MFAP3L: variants seen among roughly 807,000 people sequenced by gnomAD.
MFAP3L encodes the protein microfibrillar-associated protein 3-like.
In MFAP3L, 5 loss-of-function variants were observed where a neutral mutation model predicts 20.0. The observed-to-expected ratio is 0.25, with a 90% CI of 0.13 to 0.53. The LOEUF is 0.53. Among genes scored for constraint, MFAP3L ranks in the 20% least tolerant of loss-of-function variants. The pLI is 0.96. For synonymous variants in MFAP3L, 219 were observed against 213.0 expected, an observed-to-expected ratio of 1.03 and a Z score of -0.25; for missense variants, 409 against 527.5, an observed-to-expected ratio of 0.78 and a Z score of 2.20.
At chr4:170,016,164 T>C (rs1229581823) in intron 1 of MFAP3L, among the ~76,000 whole-genome samples, 2 of 152,240 alleles carry the variant, frequency 1.3e-5, no homozygotes, top group East Asian at 3.8e-4. Flanking sequence ...CAAAATATAA[T>C]GAATATAAAA....
At chr4:170,020,390 C>T (rs1324271273) in intron 1 of MFAP3L, among the ~76,000 whole-genome samples, 1 of 152,176 alleles carries the variant, frequency 6.6e-6, no homozygotes, top group Non-Finnish European at 1.5e-5. Flanking sequence ...GGGTTATGTG[C>T]TCATCATCTC....
intron 1 of MFAP3L, chr4:170,006,797 T>G (rs777102377): frequency 6.6e-6 from 1 of 152,270 alleles, no homozygotes; most frequent in African/African-American, 2.4e-5. Context: ...CTACCCATTA[T>G]AGCTTCCAGA....
In MFAP3L at chr4:169,991,477, C is replaced by A. The variant is rs1349720380; in HGVS notation, c.1131G>T (p.Glu377Asp). 6.2e-7 allele frequency: 1 copy of A among 1,613,990 alleles called. No individual in the cohort carries two copies. The highest frequency in any genetic ancestry group is 1.7e-5 in the Admixed American group (1 of 59,998). ...CTGGCGGCAGTACCTTATCTGGTAC[C>A]TCAACAGGTGTTGGCTCTTCAGATG... ...ELTSEEPTPV[E>D]VPDKVLPPAY... Residue 377 changes from glutamate to aspartate, a missense_variant, in exon 3 of 3, where the codon GAG becomes GAT. This residue lies in a region of MFAP3L where 169 missense variants were observed against 178.2 expected (regional missense o/e 0.95). Coordinates refer to ENST00000361618, the MANE Select transcript of MFAP3L (RefSeq NM_021647.8). The surrounding 1 kb of genome is among the most constrained non-coding windows in gnomAD (Gnocchi z 4.9).
At chr4:170,023,662 G>T (rs577989485) in intron 1 of MFAP3L, among the ~76,000 whole-genome samples, 1 of 152,154 alleles carries the variant, frequency 6.6e-6, no homozygotes, top group African/African-American at 2.4e-5. Flanking sequence ...CTAAGTGCTG[G>T]GTTAGATGCC....
At chr4:170,025,390 A>G (rs1740287726) in intron 1 of MFAP3L, among the ~76,000 whole-genome samples, 1 of 152,228 alleles carries the variant, frequency 6.6e-6, no homozygotes, top group Non-Finnish European at 1.5e-5. Context: ...ACGCAAAATA[A>G]AGATTGCCAC....
At chr4:170,025,493 T>C (rs1019697607) in intron 1 of MFAP3L, among the ~76,000 whole-genome samples, 6 of 152,230 alleles carry the variant, frequency 3.9e-5, no homozygotes, top group Non-Finnish European at 7.3e-5. Flanking sequence ...ATAATACACC[T>C]ACAAACCTTT....
intron 1 of MFAP3L, among the ~76,000 whole-genome samples, chr4:170,022,843 A>G (rs944223036): frequency 6.6e-6 from 1 of 152,188 alleles, no homozygotes; most frequent in Admixed American, 6.5e-5. Flanking sequence ...GGGCTTCCCA[A>G]AGGAACAAGG....
In MFAP3L at chr4:170,009,128, T is replaced by C. The variant is rs184816507; in HGVS notation, c.-133-3118A>G. ...AGCTGGACATGGTGGCTCACGCCTGTAATCCTAGCACTTTGGGAGGCTGAC... is the reference window on the plus strand; with the variant it reads ...AGCTGGACATGGTGGCTCACGCCTGCAATCCTAGCACTTTGGGAGGCTGAC... On this transcript the variant is annotated intron_variant, in intron 1 of 2. Transcript: ENST00000361618. Among the ~76,000 whole-genome samples, 190 of 152,278 alleles carry C rather than the reference T, an allele frequency of 1.2e-3. 1 individual carries two copies. Among genetic ancestry groups the C allele is most frequent in the African/African-American group, 4.3e-3 (179 of 41,552 alleles).
At chr4:170,002,560 A>C (rs1255519413) in intron 2 of MFAP3L, among the ~76,000 whole-genome samples, 1 of 151,800 alleles carries the variant, frequency 6.6e-6, no homozygotes, top group Non-Finnish European at 1.5e-5. Context: ...ACCAGGCTCG[A>C]GTGCAGTGGC....
intron 1 of MFAP3L, among the ~76,000 whole-genome samples, chr4:170,017,497 T>G (rs1018786797): frequency 6.6e-6 from 1 of 152,168 alleles, no homozygotes; most frequent in Admixed American, 6.5e-5. Flanking sequence ...CGTAAGAATC[T>G]GGGGCCAAGC....
upstream of MFAP3L, chr4:170,026,975 A>G (rs1206133418): frequency 1.3e-5 from 2 of 152,204 alleles, no homozygotes; most frequent in East Asian, 1.9e-4. Flanking sequence ...AGCAAAGTCC[A>G]CAGATGGAAG....
upstream of MFAP3L, among the ~76,000 whole-genome samples, chr4:170,026,591 C>G (rs1361604186): frequency 6.6e-6 from 1 of 151,718 alleles, no homozygotes; most frequent in African/African-American, 2.4e-5. Flanking sequence ...GAGGAGCCAC[C>G]GGAGGCTGTA....
chr4:170,025,976 G>A (rs1345104514), intron 1 of MFAP3L, among the ~76,000 whole-genome samples: 3 of 152,092 alleles, frequency 2.0e-5, no homozygotes, highest in African/African-American at 4.8e-5. Context: ...CCCTCGGAAG[G>A]TTACGGTTCG....
At chr4:170,009,866 A>G (rs893635782) in intron 1 of MFAP3L, among the ~76,000 whole-genome samples, 2 of 152,220 alleles carry the variant, frequency 1.3e-5, no homozygotes, top group African/African-American at 4.8e-5. Flanking sequence ...CTCTTGTGTA[A>G]GGGGTGTTTT....
chr4:170,010,935 C>A (rs1739340832), intron 1 of MFAP3L, among the ~76,000 whole-genome samples: 1 of 152,124 alleles, frequency 6.6e-6, no homozygotes, highest in Admixed American at 6.5e-5. Flanking sequence ...CAAATCTCAC[C>A]TTGAATTGTA....
chr4:170,015,419 C>A (rs1012553777), intron 1 of MFAP3L, among the ~76,000 whole-genome samples: 6 of 152,140 alleles, frequency 3.9e-5, no homozygotes, highest in Admixed American at 3.9e-4. Flanking sequence ...CTAAAAATTC[C>A]ATTGCAGTAA....
intron 1 of MFAP3L, among the ~76,000 whole-genome samples, chr4:170,014,348 T>C (rs929652560): frequency 5.3e-5 from 8 of 152,254 alleles, no homozygotes; most frequent in Non-Finnish European, 1.0e-4. Context: ...TTCCAAGAAG[T>C]TCCTGATGTA....
At chr4:169,999,453 T>C (rs1008033400) in intron 2 of MFAP3L, among the ~76,000 whole-genome samples, 2 of 152,234 alleles carry the variant, frequency 1.3e-5, no homozygotes, top group Non-Finnish European at 2.9e-5. Context: ...CTGGTAATCT[T>C]AATTTTTAAA....
At chr4:170,015,387 C>T (rs1301363304) in intron 1 of MFAP3L, among the ~76,000 whole-genome samples, 1 of 152,124 alleles carries the variant, frequency 6.6e-6, no homozygotes, top group Admixed American at 6.5e-5. Context: ...AGGGAAAGAA[C>T]AAGAGAGTTC....
Sources: gnomAD v4.1 joint callset for allele counts (sites outside exome capture counted in the v4.1 genomes callset) on GRCh38, gnomAD v4.1.1 for gene constraint, gnomAD v4.1.1 regional missense constraint, Gnocchi (gnomAD v3.1) non-coding constraint, MANE v1.5 for transcripts, NCBI Gene and HGNC (gene_info 2026-07-23, HGNC 2026-07-21) for gene names.